TUSC3: variants seen among roughly 807,000 people sequenced by gnomAD.
TUSC3 encodes the protein dolichyl-diphosphooligosaccharide--protein glycosyltransferase subunit TUSC3.
TUSC3 carries 45 observed loss-of-function variants against 44.8 expected under a neutral mutation model. The ratio of observed to expected loss-of-function variants is 1.00; its 90% confidence interval spans 0.79 to 1.29. The LOEUF is 1.29. TUSC3 is among the 50% of genes most tolerant of loss of function. TUSC3 has a pLI of 0.00. For synonymous variants in TUSC3, 212 were observed against 152.9 expected (o/e 1.39, Z -2.85); for missense variants, 519 against 437.9 (o/e 1.19, Z -1.65).
rs1195460717 is a variant in TUSC3 at position 15,441,792 on chromosome 8, T to C, written n.91+24487T>C. Among the ~76,000 whole-genome samples the C allele has an allele frequency of 2.6e-5, 4 of 152,338 alleles. No individual in the cohort carries two copies. In the East Asian group the frequency reaches 7.7e-4, roughly 29 times the overall value. On this transcript the variant is annotated intron_variant and non_coding_transcript_variant, in intron 1 of 5. Coordinates refer to the TUSC3 transcript ENST00000503191. ...ATGAGGTGTCCTGAGTGTTCCAGAC[T>C]GGATGACCCAGCAGGTGGGATGATA...
At chr8:15,588,493 C>T (rs1803687366) in intron 1 of TUSC3, among the ~76,000 whole-genome samples, 1 of 152,156 alleles carries the variant, frequency 6.6e-6, no homozygotes, top group African/African-American at 2.4e-5. Flanking sequence ...CAAGTATTTT[C>T]TCCCATTCTA....
chr8:15,794,781 G>C, the TUSC3 span, among the ~76,000 whole-genome samples: 1 of 152,156 alleles, frequency 6.6e-6, no homozygotes, highest in East Asian at 1.9e-4. Context: ...TGATCCACAG[G>C]GGGGAAAATA....
the TUSC3 span, among the ~76,000 whole-genome samples, chr8:15,831,395 C>T: frequency 6.6e-6 from 1 of 152,064 alleles, no homozygotes; most frequent in Non-Finnish European, 1.5e-5. Context: ...GCCAGAGTAC[C>T]TTCTTTCCTC....
At chr8:15,430,595 T>A (rs1047261812) in intron 1 of TUSC3, among the ~76,000 whole-genome samples, 1 of 151,224 alleles carries the variant, frequency 6.6e-6, no homozygotes, top group African/African-American at 2.5e-5. Flanking sequence ...CTCTCACCAC[T>A]CCTATTCAAC....
chr8:15,816,266 G>C, the TUSC3 span, among the ~76,000 whole-genome samples: 4 of 152,110 alleles, frequency 2.6e-5, no homozygotes, highest in Non-Finnish European at 5.9e-5. Flanking sequence ...GTTTGCAGAG[G>C]GGATAGTGGA....
intron 1 of TUSC3, among the ~76,000 whole-genome samples, chr8:15,431,848 A>G (rs1193612183): frequency 2.3e-5 from 1 of 42,646 alleles, no homozygotes. Context: ...TTCTCTACCT[A>G]TTATGTTCAG....
At chr8:15,685,073 C>T (rs940128934) in intron 6 of TUSC3, among the ~76,000 whole-genome samples, 4 of 152,206 alleles carry the variant, frequency 2.6e-5, no homozygotes, top group Non-Finnish European at 4.4e-5. Context: ...GGGGCGTGAA[C>T]ACCTTTGGTC....
chr8:15,640,725 T>A (rs1221565643), intron 2 of TUSC3, among the ~76,000 whole-genome samples: 1 of 152,150 alleles, frequency 6.6e-6, no homozygotes, highest in African/African-American at 2.4e-5. Context: ...GAACCAATTT[T>A]TATTGAATGG....
chr8:15,532,076 T>C (rs957740914), intron 2 of TUSC3, among the ~76,000 whole-genome samples: 1 of 152,204 alleles, frequency 6.6e-6, no homozygotes, highest in Non-Finnish European at 1.5e-5. Context: ...TGTGTATATA[T>C]GTCAAATGCA....
intron 1 of TUSC3, among the ~76,000 whole-genome samples, chr8:15,584,959 A>G (rs745614369): frequency 2.6e-5 from 4 of 152,232 alleles, no homozygotes; most frequent in African/African-American, 9.7e-5. Flanking sequence ...GAACGATGAT[A>G]TACAGATATA....
At chr8:15,711,336 T>C (rs1277309107) in intron 6 of TUSC3, among the ~76,000 whole-genome samples, 2 of 151,674 alleles carry the variant, frequency 1.3e-5, no homozygotes, top group Non-Finnish European at 2.9e-5. Flanking sequence ...TCAAATATTA[T>C]TTAGAAGATT....
At chr8:15,706,956 G>C (rs572074560) in intron 6 of TUSC3, among the ~76,000 whole-genome samples, 1 of 151,870 alleles carries the variant, frequency 6.6e-6, no homozygotes, top group Non-Finnish European at 1.5e-5. Context: ...TTAGGAAAAT[G>C]CTACTTTTGA....
At chr8:15,476,016 C>G (rs769295481) in intron 1 of TUSC3, among the ~76,000 whole-genome samples, 28 of 152,138 alleles carry the variant, frequency 1.8e-4, no homozygotes, top group Admixed American at 3.9e-4. Flanking sequence ...GTACATCAAG[C>G]TTTGAAAGAT....
chr8:15,720,039 A>T (rs1030133305), intron 6 of TUSC3, among the ~76,000 whole-genome samples: 1 of 152,036 alleles, frequency 6.6e-6, no homozygotes, highest in Non-Finnish European at 1.5e-5. Flanking sequence ...CTGCCTCAGC[A>T]TGTTGAGTAG....
intron 5 of TUSC3, among the ~76,000 whole-genome samples, chr8:15,663,547 A>G (rs1435703856): frequency 6.6e-6 from 1 of 151,912 alleles, no homozygotes; most frequent in African/African-American, 2.4e-5. Context: ...TTCTGCAGTA[A>G]TACCTAGAGC....
intron 1 of TUSC3, among the ~76,000 whole-genome samples, chr8:15,596,028 C>T (rs1190829043): frequency 6.6e-6 from 1 of 152,110 alleles, no homozygotes; most frequent in Non-Finnish European, 1.5e-5. Flanking sequence ...AAGGTTATAG[C>T]CAGTATTCTT....
rs200775014 is a variant in TUSC3 at position 15,619,671 on chromosome 8, TTTTG to T, written c.139-3393_139-3390del. ...CACGCCTGGCTAATTTTTTGTATTT[TTTTG>T]TTTGTTTGTTTGTTTTAGTAGAGAT... On this transcript the variant is annotated intron_variant, in intron 1 of 10. Coordinates refer to ENST00000503731, the MANE Select transcript of TUSC3 (RefSeq NM_006765.4). Among the ~76,000 whole-genome samples the T allele has an allele frequency of 7.3e-3, 1,109 of 152,162 alleles. 12 individuals are homozygous for T. Among genetic ancestry groups the T allele is most frequent in the African/African-American group, 0.025 (1,048 of 41,504 alleles).
At chr8:15,504,735 C>G (rs916121371) in intron 2 of TUSC3, among the ~76,000 whole-genome samples, 3 of 147,866 alleles carry the variant, frequency 2.0e-5, no homozygotes, top group Non-Finnish European at 4.5e-5. Flanking sequence ...TCACTGCAAC[C>G]TCTGCCTCCT....
intron 9 of TUSC3, among the ~76,000 whole-genome samples, chr8:15,751,855 G>T (rs1001284618): frequency 6.6e-6 from 1 of 152,160 alleles, no homozygotes; most frequent in African/African-American, 2.4e-5. Context: ...GAATCTCCAA[G>T]TGTGGGTTTT....
Sources: allele counts gnomAD v4.1 joint callset (sites outside exome capture counted in the v4.1 genomes callset), GRCh38; gene constraint gnomAD v4.1.1; transcripts MANE v1.5; gene names NCBI Gene and HGNC (gene_info 2026-07-23, HGNC 2026-07-21).